TAFA2: variants seen among roughly 807,000 people sequenced by gnomAD.
TAFA2 encodes the protein chemokine-like protein TAFA-2.
In TAFA2, 7 loss-of-function variants were observed where a neutral mutation model predicts 18.8. That is an observed-to-expected ratio of 0.37 (90% CI 0.21 to 0.70). The LOEUF is 0.70. Among genes scored for constraint, TAFA2 ranks in the 30% least tolerant of loss-of-function variants. The probability of loss-of-function intolerance (pLI) is 0.53; values close to 1 mark genes in which losing one functional copy is unlikely to be tolerated. For synonymous variants in TAFA2, 60 were observed against 54.2 expected (o/e 1.11, Z -0.47); for missense variants, 122 against 158.1 (o/e 0.77, Z 1.23).
chr12:61,732,649 G>A (rs1401750777), intron 4 of TAFA2, among the ~76,000 whole-genome samples: 2 of 151,920 alleles, frequency 1.3e-5, no homozygotes, highest in African/African-American at 4.8e-5. Flanking sequence ...AGTTAGCAAT[G>A]TTTTGGGGAG....
chr12:61,960,717 C>T (rs1878853776), intron 1 of TAFA2, among the ~76,000 whole-genome samples: 1 of 151,568 alleles, frequency 6.6e-6, no homozygotes, highest in Non-Finnish European at 1.5e-5. Flanking sequence ...AATCATACTA[C>T]CATTTTTATC....
At chr12:62,149,931 C>G (rs930568) in intron 1 of TAFA2, among the ~76,000 whole-genome samples, 122,023 of 152,060 alleles carry the variant, frequency 0.8, 49,797 homozygotes, top group Middle Eastern at 0.93. Flanking sequence ...TAAAGATCGA[C>G]GCAATTACTC....
intron 1 of TAFA2, among the ~76,000 whole-genome samples, chr12:62,112,090 C>G (rs575278572): frequency 6.6e-6 from 1 of 152,112 alleles, no homozygotes; most frequent in African/African-American, 2.4e-5. Flanking sequence ...TGTCGATGGT[C>G]TTTACAATTT....
At chr12:62,179,861 C>T (rs1375275489) in intron 1 of TAFA2, among the ~76,000 whole-genome samples, 1 of 152,200 alleles carries the variant, frequency 6.6e-6, no homozygotes, top group Non-Finnish European at 1.5e-5. Flanking sequence ...GCTAACCCTG[C>T]CACCTTCTCA....
At chr12:61,850,312 T>C (rs1873589950) in intron 2 of TAFA2, among the ~76,000 whole-genome samples, 1 of 151,972 alleles carries the variant, frequency 6.6e-6, no homozygotes, top group Admixed American at 6.6e-5. Context: ...TAATTTTTTT[T>C]ACTTCCTTTA....
intron 1 of TAFA2, among the ~76,000 whole-genome samples, chr12:61,941,390 G>A (rs544953287): frequency 1.3e-5 from 2 of 152,312 alleles, no homozygotes; most frequent in South Asian, 4.1e-4. Flanking sequence ...CTGGTCTAGT[G>A]AATTAATAGG....
intron 1 of TAFA2, among the ~76,000 whole-genome samples, chr12:61,891,022 T>C (rs1390692778): frequency 2.0e-5 from 3 of 152,324 alleles, no homozygotes; most frequent in East Asian, 3.9e-4. Context: ...TGTCAGGAAA[T>C]ATGTTTTGAG....
chr12:62,189,895 G>C (rs1198266087), intron 1 of TAFA2, among the ~76,000 whole-genome samples: 1 of 151,094 alleles, frequency 6.6e-6, no homozygotes, highest in East Asian at 2.0e-4. Context: ...ACACTACCAA[G>C]TACTTTGGGG....
chr12:61,910,044 C>T (rs1437200518), intron 1 of TAFA2, among the ~76,000 whole-genome samples: 1 of 151,780 alleles, frequency 6.6e-6, no homozygotes, highest in Non-Finnish European at 1.5e-5. Flanking sequence ...ATGCAAAAAA[C>T]AAGGCCCCAA....
intron 4 of TAFA2, among the ~76,000 whole-genome samples, chr12:61,748,473 G>T (rs1592363082): frequency 6.6e-6 from 1 of 152,242 alleles, no homozygotes; most frequent in East Asian, 1.9e-4. Flanking sequence ...CAAGGCTAGA[G>T]AGAGCATGAT....
At chr12:61,861,107 T>C (rs952544851) in intron 2 of TAFA2, among the ~76,000 whole-genome samples, 14 of 152,072 alleles carry the variant, frequency 9.2e-5, no homozygotes, top group African/African-American at 3.1e-4. Flanking sequence ...CATGCCACCA[T>C]GCCTGGCTAA....
intron 1 of TAFA2, among the ~76,000 whole-genome samples, chr12:62,036,939 T>C (rs191927133): frequency 3.9e-5 from 6 of 152,324 alleles, no homozygotes; most frequent in African/African-American, 1.4e-4. Context: ...AGGAAAAACA[T>C]GTAATTTCTC....
intron 1 of TAFA2, among the ~76,000 whole-genome samples, chr12:62,043,833 A>G (rs1881835096): frequency 6.6e-6 from 1 of 152,170 alleles, no homozygotes; most frequent in South Asian, 2.1e-4. Flanking sequence ...ATGCTGGGGC[A>G]TTTTATGGAG....
At chr12:61,914,314 C>T (rs975494226) in intron 1 of TAFA2, among the ~76,000 whole-genome samples, 2 of 152,174 alleles carry the variant, frequency 1.3e-5, no homozygotes, top group Non-Finnish European at 2.9e-5. Context: ...TACTTAGGGT[C>T]TAAAGTTAGC....
chr12:62,090,844 C>T (rs10877790), intron 1 of TAFA2, among the ~76,000 whole-genome samples: 28,273 of 151,826 alleles, frequency 0.19, 2,885 homozygotes, highest in East Asian at 0.39. Flanking sequence ...GCCACTTCTG[C>T]CAACACATTT....
chr12:62,081,444 AT>A (rs1204254561), intron 1 of TAFA2, among the ~76,000 whole-genome samples: 1 of 151,466 alleles, frequency 6.6e-6, no homozygotes, highest in African/African-American at 2.4e-5. Flanking sequence ...GCAGATTCCA[AT>A]TTTTTTCTTC....
intron 2 of TAFA2, among the ~76,000 whole-genome samples, chr12:61,765,620 G>T (rs552024267): frequency 2.2e-4 from 34 of 152,126 alleles, no homozygotes; most frequent in Non-Finnish European, 4.0e-4. Flanking sequence ...GCTATTCATA[G>T]GTGAAATAGG....
At chr12:62,138,529 C>A (rs1359540305) in intron 1 of TAFA2, among the ~76,000 whole-genome samples, 1 of 152,124 alleles carries the variant, frequency 6.6e-6, no homozygotes, top group Non-Finnish European at 1.5e-5. Flanking sequence ...AGTATGTGCA[C>A]AATTAATGTT....
chr12:62,097,484 A>G (rs1869001761), intron 1 of TAFA2, among the ~76,000 whole-genome samples: 1 of 152,184 alleles, frequency 6.6e-6, no homozygotes. Flanking sequence ...TGAAACTGGC[A>G]TGCAATCAAG....
Sources: allele counts gnomAD v4.1 joint callset (sites outside exome capture counted in the v4.1 genomes callset), GRCh38; gene constraint gnomAD v4.1.1; transcripts MANE v1.5; gene names NCBI Gene and HGNC (gene_info 2026-07-23, HGNC 2026-07-21).